The following EPG5 variants were observed in gnomAD, a reference collection of about 807,000 sequenced individuals.
EPG5 encodes the protein ectopic P granules protein 5 homolog.
EPG5 carries 159 observed loss-of-function variants against 302.7 expected under a neutral mutation model. That is an observed-to-expected ratio of 0.53 (90% CI 0.46 to 0.60). EPG5 has a LOEUF of 0.60. EPG5 is among the 20% of genes least tolerant of loss of function. The pLI is 0.00. For missense variants in EPG5, 2,896 were observed against 3,092.4 expected (o/e 0.94, Z 1.51); for synonymous variants, 1,158 against 1,136.8 (o/e 1.02, Z -0.37).
intron 31 of EPG5, 134 bp from the exon 32 acceptor site, chr18:45,880,357 T>C (rs2049071022): frequency 1.2e-6 from 1 of 847,272 alleles, no homozygotes; most frequent in Non-Finnish European, 1.7e-6. Flanking sequence ...CAGGGATATC[T>C]GGGGTGAGGA....
At chr18:45,878,334 T>C in intron 34 of EPG5, 42 bp downstream of exon 34, 1 of 1,352,340 alleles carries the variant, frequency 7.4e-7, no homozygotes, top group South Asian at 1.2e-5. Flanking sequence ...ATTTTAAGTC[T>C]ACAAACGTCA....
intron 1 of EPG5, among the ~76,000 whole-genome samples, chr18:45,966,129 T>C (rs2051249162): frequency 6.6e-6 from 1 of 151,168 alleles, no homozygotes; most frequent in South Asian, 2.1e-4. Flanking sequence ...TCTCAGCACT[T>C]TGGGAGGCCG....
chr18:45,921,089 C>A (rs1024570144), intron 16 of EPG5, among the ~76,000 whole-genome samples: 9 of 152,202 alleles, frequency 5.9e-5, no homozygotes, highest in African/African-American at 2.2e-4. Flanking sequence ...CCACTGCTTT[C>A]CACACATCAT....
At chr18:45,870,935 C>T (rs2048859097) in intron 35 of EPG5, among the ~76,000 whole-genome samples, 193 bp from the exon 36 acceptor site, 1 of 152,126 alleles carries the variant, frequency 6.6e-6, no homozygotes, top group South Asian at 2.1e-4. Flanking sequence ...TTTAATTACC[C>T]ACTCGGGTAA....
intron 10 of EPG5, among the ~76,000 whole-genome samples, chr18:45,936,883 C>T (rs1357439866): frequency 6.6e-6 from 1 of 151,278 alleles, no homozygotes; most frequent in Non-Finnish European, 1.5e-5. Flanking sequence ...TATCTAATTA[C>T]AAATAAACCA....
the EPG5 span, among the ~76,000 whole-genome samples, chr18:45,800,919 A>T: frequency 6.6e-6 from 1 of 152,218 alleles, no homozygotes; most frequent in Non-Finnish European, 1.5e-5. Flanking sequence ...CACTGGTTGC[A>T]GGAAATTCAG....
chr18:45,859,659 T>G (rs1218216369), intron 40 of EPG5, among the ~76,000 whole-genome samples: 1 of 152,228 alleles, frequency 6.6e-6, no homozygotes, highest in Non-Finnish European at 1.5e-5. Context: ...TTAAAAGGTC[T>G]GATAAGCAGC....
rs2048852925 is a variant in EPG5, at chr18:45,870,696, C to T, written c.6096G>A (p.Met2032Ile). ...GDAGALWLHLMHYCEACTAPK... is the reference protein window; with the variant it reads ...GDAGALWLHLIHYCEACTAPK... ...GTGCTGTACATGCTTCACAATAATG[C>T]ATCAGGTGCAACCAAAGGGCTCCTG... Residue 2032 changes from methionine (M) to isoleucine (I), a missense_variant, in exon 36 of 44, where the codon ATG (methionine) becomes ATA (isoleucine). Met to Ile is a conservative substitution (Grantham distance 10). Coordinates refer to ENST00000282041, the MANE Select transcript of EPG5 (RefSeq NM_020964.3). 1.9e-6 allele frequency: 3 copies of T among 1,611,690 alleles called. No individual in the cohort carries two copies. The highest frequency in any genetic ancestry group is 2.5e-6 in the Non-Finnish European group (3 of 1,178,962).
At chr18:45,946,129 G>A (rs530472823) in intron 7 of EPG5, among the ~76,000 whole-genome samples, 6 of 152,298 alleles carry the variant, frequency 3.9e-5, no homozygotes, top group East Asian at 1.9e-4. Flanking sequence ...GGGTGATCTC[G>A]AGAAGCTGGA....
chr18:45,820,705 G>T, the EPG5 span, among the ~76,000 whole-genome samples: 3 of 152,132 alleles, frequency 2.0e-5, no homozygotes, highest in Non-Finnish European at 4.4e-5. Context: ...GCTGAGAGAG[G>T]CCCTTAAGCT....
chr18:45,912,197 C>A, intron 22 of EPG5, 93 bp downstream of exon 22: 3 of 1,186,646 alleles, frequency 2.5e-6, no homozygotes, highest in South Asian at 2.0e-5. Context: ...AGAATGATTC[C>A]AACTCACACT....
intron 27 of EPG5, among the ~76,000 whole-genome samples, chr18:45,893,791 GT>G (rs1198836414): frequency 6.6e-6 from 1 of 152,128 alleles, no homozygotes; most frequent in African/African-American, 2.4e-5. Context: ...AAAGTATTAA[GT>G]TGTTTAAAAG....
intron 36 of EPG5, 137 bp downstream of exon 36, chr18:45,870,430 C>T: frequency 1.7e-6 from 1 of 604,650 alleles, no homozygotes; most frequent in East Asian, 3.0e-5. Context: ...TTTCCACAGG[C>T]ACCACCGAGG....
intron 34 of EPG5, among the ~76,000 whole-genome samples, chr18:45,877,086 G>C (rs2048986886): frequency 6.6e-6 from 1 of 151,960 alleles, no homozygotes. Context: ...GCCTGGCCCA[G>C]AGAAATTCTT....
Position 45,916,278 on chromosome 18 carries a change from C to T in EPG5, c.3385-72G>A, listed in dbSNP as rs2050030613. On this transcript the variant is annotated intron_variant, in intron 18 of 43. Coordinates refer to ENST00000282041, the MANE Select transcript of EPG5 (RefSeq NM_020964.3). ...TCATTTTTTAAATAGCAACAAAATG[C>T]TATCTACCTCCACTACAAATCCCAA... 6 of 1,531,456 alleles carry T rather than the reference C, an allele frequency of 3.9e-6. No individual in the cohort carries two copies. In the African/African-American group the frequency reaches 4.1e-5, roughly 11 times the overall value. The allele number at this position is 1,531,456 out of a possible 1,614,324, so 94.9% of individuals were successfully genotyped here.
intron 35 of EPG5, among the ~76,000 whole-genome samples, chr18:45,874,030 C>T (rs368240799): frequency 8.5e-5 from 13 of 152,260 alleles, no homozygotes; most frequent in East Asian, 1.9e-4. Context: ...ACAGGCAGAG[C>T]GCAGAGGATT....
Position 45,879,058 on chromosome 18 carries a change from C to T in EPG5, c.5824G>A (p.Glu1942Lys). 1 of 1,614,180 alleles carries T rather than the reference C, an allele frequency of 6.2e-7. No homozygotes were observed. Among genetic ancestry groups the T allele is most frequent in the Middle Eastern group, 1.6e-4 (1 of 6,062 alleles). The change falls in exon 33 of 44, where the codon GAA (glutamate) becomes AAA (lysine). Residue 1942 changes from glutamate to lysine, a missense_variant. By Grantham distance (56) the Glu-to-Lys change is moderately conservative. This residue lies in a region of EPG5 where 790 missense variants were observed against 798.0 expected (regional missense o/e 0.99). Transcript: ENST00000282041. ...GGGTCTTGGGCCAAACAGGTCATTTCTAAGTCAATCAGCCTTTTCACAAGG... is the reference window on the plus strand; with the variant it reads ...GGGTCTTGGGCCAAACAGGTCATTTTTAAGTCAATCAGCCTTTTCACAAGG... ...GYLVKRLIDL[E>K]MTCLAQDPTA... is the part of the protein sequence containing the mutation.
chr18:45,951,079 T>C, intron 4 of EPG5, 23 bp downstream of exon 4: 1 of 1,495,662 alleles, frequency 6.7e-7, no homozygotes. Context: ...CAAAGACTAC[T>C]GTGTCTATCT....
chr18:45,803,600 AG>A, the EPG5 span, among the ~76,000 whole-genome samples: 18 of 152,276 alleles, frequency 1.2e-4, no homozygotes, highest in Admixed American at 3.3e-4. Context: ...AAAGTGAGGG[AG>A]AATCCTCAAA....
Sources: allele counts gnomAD v4.1 joint callset (sites outside exome capture counted in the v4.1 genomes callset), GRCh38; gene constraint gnomAD v4.1.1; regional missense constraint gnomAD v4.1.1; transcripts MANE v1.5; gene names NCBI Gene and HGNC (gene_info 2026-07-23, HGNC 2026-07-21).